The following CAMK2D variants were observed in gnomAD, a reference collection of about 807,000 sequenced individuals.
CAMK2D encodes calcium/calmodulin dependent protein kinase II delta.
Under a neutral mutation model 84.0 loss-of-function variants are expected in CAMK2D, and 37 were observed. That is an observed-to-expected ratio of 0.44 (90% CI 0.34 to 0.58). The LOEUF (loss-of-function observed/expected upper bound fraction) is 0.58. Among genes scored for constraint, CAMK2D ranks in the 20% least tolerant of loss-of-function variants. The pLI is 0.02. For synonymous variants in CAMK2D, 202 were observed against 212.5 expected (o/e 0.95, Z 0.43); for missense variants, 448 against 652.5 (o/e 0.69, Z 3.41).
At chr4:113,583,536 C>T (rs187304957) in intron 4 of CAMK2D, among the ~76,000 whole-genome samples, 1 of 152,282 alleles carries the variant, frequency 6.6e-6, no homozygotes, top group African/African-American at 2.4e-5. Flanking sequence ...TGAAACTCAA[C>T]TCCTCCAAAA....
intron 13 of CAMK2D, among the ~76,000 whole-genome samples, chr4:113,506,859 GCACA>G (rs909733304): frequency 2.0e-5 from 3 of 151,898 alleles, no homozygotes; most frequent in Admixed American, 2.0e-4. Flanking sequence ...GCACACCTGT[GCACA>G]CAAACTTATC....
chr4:113,618,635 A>G (rs2099031816), intron 3 of CAMK2D, among the ~76,000 whole-genome samples: 1 of 152,198 alleles, frequency 6.6e-6, no homozygotes, highest in African/African-American at 2.4e-5. Flanking sequence ...ATATTATCCA[A>G]TAACATTTGC....
chr4:113,536,712 G>A (rs999377484), intron 7 of CAMK2D, among the ~76,000 whole-genome samples: 1 of 152,092 alleles, frequency 6.6e-6, no homozygotes, highest in Non-Finnish European at 1.5e-5. Flanking sequence ...CATAAGTCTG[G>A]TTAGAAATAC....
intron 11 of CAMK2D, 139 bp downstream of exon 11, chr4:113,513,691 C>T: frequency 1.6e-6 from 1 of 611,184 alleles, no homozygotes; most frequent in Non-Finnish European, 3.0e-6. Flanking sequence ...ATTCCATTTC[C>T]CAAGAGCCCC....
chr4:113,569,125 C>G (rs2098739923), intron 4 of CAMK2D, among the ~76,000 whole-genome samples: 4 of 152,126 alleles, frequency 2.6e-5, no homozygotes, highest in Non-Finnish European at 5.9e-5. Context: ...TCAAGTGATT[C>G]TCCCACCTCT....
At chr4:113,680,552 A>T (rs1206849947) in intron 2 of CAMK2D, among the ~76,000 whole-genome samples, 1 of 152,044 alleles carries the variant, frequency 6.6e-6, no homozygotes, top group Admixed American at 6.5e-5. Flanking sequence ...CTTAAAAAAA[A>T]GTTTAATAGG....
intron 8 of CAMK2D, among the ~76,000 whole-genome samples, chr4:113,525,899 C>T (rs1183463094): frequency 1.3e-5 from 2 of 152,084 alleles, no homozygotes; most frequent in African/African-American, 4.8e-5. Flanking sequence ...AAAGAGTTTC[C>T]CTCAGGATAA....
rs543687407 is a variant in CAMK2D at position 113,540,621 on chromosome 4, T to A, written c.415-3178A>T. On this transcript the variant is annotated intron_variant, in intron 6 of 20. Transcript: ENST00000511664. ...ATCTCTCAAATGAACATTATAAGGG[T>A]ACTAAATTATATCTCACAACAGTTT... Among the ~76,000 whole-genome samples the A allele has an allele frequency of 2.6e-5, 4 of 152,318 alleles. No homozygotes were observed. The South Asian group carries it at 8.3e-4, about 32-fold the overall frequency.
chr4:113,624,996 CTT>C, intron 3 of CAMK2D, among the ~76,000 whole-genome samples: 1 of 152,324 alleles, frequency 6.6e-6, no homozygotes, highest in African/African-American at 2.4e-5. Flanking sequence ...GAAGCAAAGT[CTT>C]CTCTTCTTTC....
chr4:113,456,732 T>G (rs1214220313), intron 19 of CAMK2D: 3 of 152,490 alleles, frequency 2.0e-5, no homozygotes, highest in Admixed American at 6.5e-5. Context: ...AATACATGTT[T>G]CTTGAAAGCA....
At chr4:113,556,763 G>C (rs943308769) in intron 4 of CAMK2D, among the ~76,000 whole-genome samples, 1 of 152,100 alleles carries the variant, frequency 6.6e-6, no homozygotes, top group Non-Finnish European at 1.5e-5. Flanking sequence ...TGAAAAATGT[G>C]GGTCTCCTTA....
intron 4 of CAMK2D, among the ~76,000 whole-genome samples, chr4:113,567,139 A>T (rs1232464721): frequency 6.6e-6 from 1 of 151,596 alleles, no homozygotes; most frequent in Non-Finnish European, 1.5e-5. Context: ...CAAACATAAC[A>T]ACTGAGATCT....
intron 13 of CAMK2D, among the ~76,000 whole-genome samples, 169 bp from the exon 14 acceptor site, chr4:113,505,204 G>GTGGGGAAATCAAACTTTTT (rs2098114030): frequency 6.6e-6 from 1 of 152,168 alleles, no homozygotes; most frequent in African/African-American, 2.4e-5. Context: ...GCTAGTCTCC[G>GTGGGGAAATCAAACTTTTT]ATGGTCACAC....
At chr4:113,525,532 G>A (rs2098410098) in intron 8 of CAMK2D, among the ~76,000 whole-genome samples, 1 of 152,134 alleles carries the variant, frequency 6.6e-6, no homozygotes, top group Non-Finnish European at 1.5e-5. Context: ...TCCAGTAATG[G>A]AATAGTTGCT....
intron 3 of CAMK2D, among the ~76,000 whole-genome samples, chr4:113,652,911 A>C (rs938941289): frequency 1.3e-5 from 2 of 152,130 alleles, no homozygotes; most frequent in Admixed American, 1.3e-4. Context: ...TTCATGTATA[A>C]ATCTACCTAC....
At chr4:113,536,636 T>C (rs1560793573) in intron 7 of CAMK2D, among the ~76,000 whole-genome samples, 1 of 152,058 alleles carries the variant, frequency 6.6e-6, no homozygotes, top group Admixed American at 6.6e-5. Flanking sequence ...TATTGGAAAA[T>C]GGCAGAGAGA....
At chr4:113,570,665 C>T (rs901195953) in intron 4 of CAMK2D, among the ~76,000 whole-genome samples, 2 of 152,148 alleles carry the variant, frequency 1.3e-5, no homozygotes, top group Non-Finnish European at 2.9e-5. Flanking sequence ...AGATTAAAGA[C>T]TTAAATGTAA....
At chr4:113,613,191 C>T (rs1009854284) in intron 3 of CAMK2D, among the ~76,000 whole-genome samples, 1 of 152,110 alleles carries the variant, frequency 6.6e-6, no homozygotes, top group African/African-American at 2.4e-5. Context: ...GCAAGCACCA[C>T]AAGGACATTT....
intron 3 of CAMK2D, among the ~76,000 whole-genome samples, chr4:113,655,111 G>C (rs1277222285): frequency 6.6e-6 from 1 of 151,936 alleles, no homozygotes; most frequent in Non-Finnish European, 1.5e-5. Flanking sequence ...TCATTCTATT[G>C]ATTCTTGGAA....
Sources: allele counts gnomAD v4.1 joint callset (sites outside exome capture counted in the v4.1 genomes callset), GRCh38; gene constraint gnomAD v4.1.1; transcripts MANE v1.5; gene names NCBI Gene and HGNC (gene_info 2026-07-23, HGNC 2026-07-21).